Variants in CELF1 observed in about 807,000 individuals in gnomAD.
CELF1 encodes CUGBP Elav-like family member 1.
CELF1 carries 10 observed loss-of-function variants against 61.8 expected under a neutral mutation model. The ratio of observed to expected loss-of-function variants is 0.16; its 90% confidence interval spans 0.10 to 0.27. The LOEUF is 0.27. CELF1 is among the 10% of genes least tolerant of loss of function. The pLI, the probability that CELF1 is intolerant of heterozygous loss-of-function variation, is 1.00. For synonymous variants in CELF1, 236 were observed against 225.1 expected, an observed-to-expected ratio of 1.05 and a Z score of -0.43; for missense variants, 380 against 639.1, an observed-to-expected ratio of 0.59 and a Z score of 4.37.
At chr11:47,499,936 A>T (rs1234424643) in intron 2 of CELF1, among the ~76,000 whole-genome samples, 1 of 152,222 alleles carries the variant, frequency 6.6e-6, no homozygotes, top group Admixed American at 6.5e-5. Flanking sequence ...CCAGTTTTTA[A>T]GGTCCCCCAA....
Position 47,476,891 on chromosome 11 carries a change from T to C in CELF1, c.1042A>G (p.Thr348Ala), listed in dbSNP as rs771919637. 10 of 1,614,210 alleles carry C rather than the reference T, an allele frequency of 6.2e-6. No homozygotes were observed. Among genetic ancestry groups the C allele is most frequent in the Non-Finnish European group, 8.5e-6 (10 of 1,180,040 alleles). ...NPIASLGALQ[T>A]LAGATAGLNV... ...AGGCCAGCCGTTGCTCCAGCTAATG[T>C]CTGCAGGGCTCCAAGTGAGGCTATG... is the stretch of plus-strand genomic sequence containing the variant. The change falls in exon 12 of 15, where the codon ACA becomes GCA. Residue 348 changes from threonine to alanine, a missense_variant. Thr to Ala is a moderately conservative substitution (Grantham distance 58). Transcript: ENST00000687097.
At chr11:47,558,041 G>T (rs1270555966), upstream of CELF1, among the ~76,000 whole-genome samples, 2 of 151,862 alleles carry the variant, frequency 1.3e-5, no homozygotes, top group Non-Finnish European at 2.9e-5. Context: ...ATTTTTAGTA[G>T]AGACAGGGTT....
At chr11:47,480,689 C>G (rs1227083675) in intron 9 of CELF1, among the ~76,000 whole-genome samples, 1 of 152,186 alleles carries the variant, frequency 6.6e-6, no homozygotes, top group African/African-American at 2.4e-5. Context: ...TAAAACCTCC[C>G]TGAATTTTCT....
intron 1 of CELF1, among the ~76,000 whole-genome samples, chr11:47,509,476 C>A (rs1432010703): frequency 6.6e-6 from 1 of 152,130 alleles, no homozygotes; most frequent in African/African-American, 2.4e-5. Context: ...ACTGTTTGAG[C>A]CCGGAAGTTT....
At chr11:47,507,843 T>A (rs2094638586) in intron 1 of CELF1, among the ~76,000 whole-genome samples, 1 of 152,152 alleles carries the variant, frequency 6.6e-6, no homozygotes, top group Non-Finnish European at 1.5e-5. Context: ...TTTAATTAGT[T>A]TCCAATTTTG....
intron 3 of CELF1, chr11:47,494,499 AAG>A (rs1353205146): frequency 2.0e-6 from 2 of 982,174 alleles, no homozygotes; most frequent in African/African-American, 3.5e-5. Flanking sequence ...GGGAACAAAA[AAG>A]AGCTGTTATT....
intron 13 of CELF1, among the ~76,000 whole-genome samples, chr11:47,473,821 T>TA: frequency 6.6e-6 from 1 of 152,344 alleles, no homozygotes; most frequent in East Asian, 1.9e-4. Flanking sequence ...AAATTAGTTT[T>TA]AAAAATGCAC....
intron 1 of CELF1, among the ~76,000 whole-genome samples, chr11:47,532,142 T>C (rs1290048174): frequency 2.0e-5 from 3 of 152,132 alleles, no homozygotes; most frequent in Admixed American, 2.0e-4. Flanking sequence ...GCGATTCTCC[T>C]GCCTCAGCTG....
chr11:47,562,226 C>CAAAAAAAAAAAA (rs745795043), intron 2 of CELF1, among the ~76,000 whole-genome samples: 17 of 81,662 alleles, frequency 2.1e-4, no homozygotes, highest in Admixed American at 2.8e-4. Flanking sequence ...AACTCCATCT[C>CAAAAAAAAAAAA]AAAAAAAAAA....
chr11:47,477,147 G>C, intron 11 of CELF1, 150 bp downstream of exon 11: 1 of 954,052 alleles, frequency 1.0e-6, no homozygotes, highest in African/African-American at 1.6e-5. Flanking sequence ...TTTCTCTTAA[G>C]TACAAAAGAT....
chr11:47,492,229 C>T (rs1054947976), intron 3 of CELF1, among the ~76,000 whole-genome samples: 3 of 152,172 alleles, frequency 2.0e-5, no homozygotes, highest in Non-Finnish European at 2.9e-5. Flanking sequence ...ATTCTCCCAC[C>T]TCAGCCTCCC....
At chr11:47,492,587 C>A (rs898670787) in intron 3 of CELF1, among the ~76,000 whole-genome samples, 3 of 152,146 alleles carry the variant, frequency 2.0e-5, no homozygotes, top group Non-Finnish European at 2.9e-5. Context: ...AAGCAATTAG[C>A]TGGGTGTGGT....
chr11:47,472,448 C>T (rs974269649), intron 14 of CELF1, 91 bp from the exon 15 acceptor site: 12 of 1,385,038 alleles, frequency 8.7e-6, no homozygotes, highest in Non-Finnish European at 1.2e-5. Context: ...TGTGCTTCAT[C>T]TCAAATCCCA....
At chr11:47,545,889 G>C (rs2096928405) in intron 1 of CELF1, among the ~76,000 whole-genome samples, 1 of 126,410 alleles carries the variant, frequency 7.9e-6, no homozygotes. Flanking sequence ...GTGTGTGTGT[G>C]TGTGTGTGTG....
At chr11:47,513,937 T>TTTC (rs2095401543) in intron 1 of CELF1, 2 of 150,532 alleles carry the variant, frequency 1.3e-5, no homozygotes. Context: ...TTTCCTTTTT[T>TTTC]TTTTCCCCCC....
At chr11:47,541,654 TA>T in intron 1 of CELF1, among the ~76,000 whole-genome samples, 1 of 146,724 alleles carries the variant, frequency 6.8e-6, no homozygotes, top group Non-Finnish European at 1.5e-5. Flanking sequence ...CTCACCACTG[TA>T]CTCCAGAGCC....
intron 1 of CELF1, among the ~76,000 whole-genome samples, chr11:47,534,452 C>T (rs958705867): frequency 6.6e-6 from 1 of 151,914 alleles, no homozygotes; most frequent in Non-Finnish European, 1.5e-5. Context: ...GCTGGCCGGG[C>T]GCCATGGCTC....
chr11:47,500,667 T>C (rs1007984851), intron 2 of CELF1, among the ~76,000 whole-genome samples, 194 bp downstream of exon 2: 6 of 152,038 alleles, frequency 3.9e-5, no homozygotes, highest in Non-Finnish European at 8.8e-5. Flanking sequence ...AATTCTATTA[T>C]GGGTGAGCAG....
At chr11:47,491,836 G>A (rs1377582974) in intron 3 of CELF1, among the ~76,000 whole-genome samples, 1 of 152,196 alleles carries the variant, frequency 6.6e-6, no homozygotes, top group Non-Finnish European at 1.5e-5. Context: ...GCACTCAAAT[G>A]TGTGAAAGGA....
Sources: gnomAD v4.1 joint callset for allele counts (sites outside exome capture counted in the v4.1 genomes callset) on GRCh38, gnomAD v4.1.1 for gene constraint, MANE v1.5 for transcripts, NCBI Gene and HGNC (gene_info 2026-07-23, HGNC 2026-07-21) for gene names.